Variants in CCDC91 observed in about 807,000 individuals in gnomAD.
CCDC91 encodes the protein coiled-coil domain containing 91.
A neutral mutation model predicts 63.2 loss-of-function variants in CCDC91; 48 were observed. The observed-to-expected ratio is 0.76, with a 90% CI of 0.60 to 0.97. The LOEUF is 0.97. CCDC91 is among the 50% of genes least tolerant of loss of function. The pLI, the probability that CCDC91 is intolerant of heterozygous loss-of-function variation, is 0.00. For missense variants in CCDC91, 500 were observed against 494.6 expected (o/e 1.01, Z -0.10); for synonymous variants, 167 against 165.8 (o/e 1.01, Z -0.06).
chr12:28,472,368 A>G lies in CCDC91; in HGVS notation c.1102-11684A>G, dbSNP rs1278756510. Among the ~76,000 whole-genome samples the G allele has an allele frequency of 2.0e-5, 3 of 152,228 alleles. No homozygotes were observed. In the East Asian group the frequency reaches 5.8e-4, roughly 29 times the overall value. On this transcript the variant is annotated intron_variant, in intron 11 of 12. Transcript: ENST00000536442. The stretch of plus-strand genomic sequence containing the variant: ...TTGGCAGACTTTTTCTGCAAAGGTC[A>G]AGACAGAAGGCTTTATGGGCTAAGA...
intron 1 of CCDC91, among the ~76,000 whole-genome samples, chr12:28,248,953 C>G: frequency 6.6e-6 from 1 of 152,136 alleles, no homozygotes; most frequent in East Asian, 1.9e-4. Context: ...CAGAAGGGTT[C>G]CTTTTTCTTT....
chr12:28,417,926 C>T (rs998968221), intron 8 of CCDC91, among the ~76,000 whole-genome samples: 18 of 152,140 alleles, frequency 1.2e-4, no homozygotes, highest in African/African-American at 4.3e-4. Flanking sequence ...AGTGGTCCTA[C>T]ATTGAGTGGT....
intron 7 of CCDC91, among the ~76,000 whole-genome samples, chr12:28,373,349 A>G (rs543392809): frequency 6.6e-6 from 1 of 152,142 alleles, no homozygotes; most frequent in Non-Finnish European, 1.5e-5. Flanking sequence ...TTAGCCTCTT[A>G]TATGTGTAGA....
intron 6 of CCDC91, among the ~76,000 whole-genome samples, chr12:28,312,886 T>A (rs139146220): frequency 2.0e-5 from 3 of 152,184 alleles, no homozygotes; most frequent in African/African-American, 7.2e-5. Flanking sequence ...CCGTCATGAT[T>A]GTCAGGCCTC....
Position 28,278,748 on chromosome 12 carries a change from C to T in CCDC91, c.109+19306C>T, listed in dbSNP as rs149036395. ...GCTTTTAATATGCTGTTCTCTTTGCCTGGAAAGTCCTAGTAAGAATTATAC... is the reference window on the plus strand; with the variant it reads ...GCTTTTAATATGCTGTTCTCTTTGCTTGGAAAGTCCTAGTAAGAATTATAC... On this transcript the variant is annotated intron_variant, in intron 3 of 12. Coordinates refer to ENST00000536442, the MANE Select transcript of CCDC91 (RefSeq NM_018318.5). Among the ~76,000 whole-genome samples, 129 of 152,156 alleles carry T rather than the reference C, an allele frequency of 8.5e-4. 2 individuals are homozygous for T. Among genetic ancestry groups the T allele is most frequent in the African/African-American group, 3.0e-3 (124 of 41,548 alleles).
At chr12:28,339,840 G>A (rs1013302591) in intron 6 of CCDC91, among the ~76,000 whole-genome samples, 3 of 152,052 alleles carry the variant, frequency 2.0e-5, no homozygotes, top group African/African-American at 7.2e-5. Flanking sequence ...AACCAGCAGT[G>A]GGGCATGTTG....
chr12:28,454,301 T>C (rs1177274566), intron 11 of CCDC91, among the ~76,000 whole-genome samples: 1 of 152,178 alleles, frequency 6.6e-6, no homozygotes, highest in Non-Finnish European at 1.5e-5. Flanking sequence ...CTTGTACTGG[T>C]GAAGACCCAC....
chr12:28,336,376 C>G (rs1941984009), intron 6 of CCDC91, among the ~76,000 whole-genome samples: 1 of 152,092 alleles, frequency 6.6e-6, no homozygotes, highest in African/African-American at 2.4e-5. Context: ...TTTTAAAGTG[C>G]TCCTTAAGTC....
intron 1 of CCDC91, among the ~76,000 whole-genome samples, chr12:28,191,605 T>G (rs1378950837): frequency 6.6e-6 from 1 of 150,642 alleles, no homozygotes; most frequent in Admixed American, 6.6e-5. Context: ...GGCTGACATT[T>G]TACTTCACAA....
chr12:28,362,692 A>G (rs1347823205), intron 7 of CCDC91, among the ~76,000 whole-genome samples, 177 bp downstream of exon 7: 2 of 152,222 alleles, frequency 1.3e-5, no homozygotes, highest in Non-Finnish European at 2.9e-5. Context: ...TTACAAAGGT[A>G]ATATTAGACA....
chr12:28,276,149 C>T (rs374781282), intron 3 of CCDC91, among the ~76,000 whole-genome samples: 2 of 151,716 alleles, frequency 1.3e-5, no homozygotes, highest in African/African-American at 4.8e-5. Flanking sequence ...AATTTATATT[C>T]CTTGATTATT....
chr12:28,247,459 G>A, intron 1 of CCDC91, among the ~76,000 whole-genome samples: 1 of 144,188 alleles, frequency 6.9e-6, no homozygotes, highest in Non-Finnish European at 1.5e-5. Flanking sequence ...CAGCCTGGGT[G>A]AGAGACCAAG....
rs532069133 is a variant in CCDC91 at position 28,286,178 on chromosome 12, TTA to T, written c.110-19468_110-19467del. On this transcript the variant is annotated intron_variant, in intron 3 of 12. Coordinates refer to ENST00000536442, the MANE Select transcript of CCDC91 (RefSeq NM_018318.5). ...AGAAGTTTTTTTTTTCTTATCTAAG[TTA>T]TACCTTCATAGACATTAAAATAAAG... is the stretch of plus-strand genomic sequence containing the variant. 7.9e-4 allele frequency among the ~76,000 whole-genome samples: 120 copies of T among 152,238 alleles called. 1 individual carries two copies. The South Asian group carries it at 0.017, about 21-fold the overall frequency.
chr12:28,521,213 G>A (rs1341777077), intron 12 of CCDC91, among the ~76,000 whole-genome samples: 1 of 152,146 alleles, frequency 6.6e-6, no homozygotes, highest in Non-Finnish European at 1.5e-5. Context: ...AGCATGGAAT[G>A]TTCTTCCATT....
At chr12:28,342,698 G>A (rs1942519308) in intron 6 of CCDC91, among the ~76,000 whole-genome samples, 1 of 152,152 alleles carries the variant, frequency 6.6e-6, no homozygotes, top group Non-Finnish European at 1.5e-5. Flanking sequence ...GGATCTAGTG[G>A]ATAAGTATGG....
intron 3 of CCDC91, among the ~76,000 whole-genome samples, chr12:28,271,533 C>T (rs1947767916): frequency 6.6e-6 from 1 of 151,854 alleles, no homozygotes; most frequent in South Asian, 2.1e-4. Context: ...TTCGTAATTT[C>T]CAAGTATGGG....
At chr12:28,463,816 AAGATG>A (rs753066250) in intron 11 of CCDC91, among the ~76,000 whole-genome samples, 2 of 152,166 alleles carry the variant, frequency 1.3e-5, no homozygotes, top group Non-Finnish European at 2.9e-5. Context: ...GAAGTATAGC[AAGATG>A]GTGGAATAGA....
chr12:28,411,060 A>G (rs995714538), intron 8 of CCDC91, among the ~76,000 whole-genome samples: 2 of 152,120 alleles, frequency 1.3e-5, no homozygotes, highest in African/African-American at 4.8e-5. Flanking sequence ...TAAATAATTA[A>G]ATGAAGGACA....
intron 12 of CCDC91, among the ~76,000 whole-genome samples, chr12:28,501,589 T>G (rs966470209): frequency 6.6e-6 from 1 of 151,144 alleles, no homozygotes; most frequent in African/African-American, 2.4e-5. Context: ...CTTTTTGATG[T>G]GCTGCTGGAT....
Sources: allele counts gnomAD v4.1 joint callset (sites outside exome capture counted in the v4.1 genomes callset), GRCh38; gene constraint gnomAD v4.1.1; transcripts MANE v1.5; gene names NCBI Gene and HGNC (gene_info 2026-07-23, HGNC 2026-07-21).